The following MED13 variants were observed in gnomAD, a reference collection of about 807,000 sequenced individuals.
The protein encoded by MED13 is mediator of RNA polymerase II transcription subunit 13.
In MED13, 23 loss-of-function variants were observed where a neutral mutation model predicts 225.2. That is an observed-to-expected ratio of 0.10 (90% CI 0.07 to 0.14). The LOEUF is 0.14. Among genes scored for constraint, MED13 ranks in the 10% least tolerant of loss-of-function variants. The pLI is 1.00. For synonymous variants in MED13, 942 were observed against 889.2 expected, an observed-to-expected ratio of 1.06 and a Z score of -1.06; for missense variants, 2,197 against 2,594.5, an observed-to-expected ratio of 0.85 and a Z score of 3.33.
At chr17:62,001,866 G>A (rs914473416) in intron 9 of MED13, among the ~76,000 whole-genome samples, 2 of 152,052 alleles carry the variant, frequency 1.3e-5, no homozygotes, top group Non-Finnish European at 2.9e-5. Flanking sequence ...TATTGAAACT[G>A]ATTTTAAAAA....
At chr17:61,958,811 A>C (rs2079972275) in intron 23 of MED13, among the ~76,000 whole-genome samples, 1 of 152,176 alleles carries the variant, frequency 6.6e-6, no homozygotes, top group South Asian at 2.1e-4. Flanking sequence ...ACTATGTACC[A>C]TCCATTGTGC....
At chr17:61,958,075 A>G (rs184517020) in intron 23 of MED13, among the ~76,000 whole-genome samples, 203 of 151,434 alleles carry the variant, frequency 1.3e-3, no homozygotes, top group African/African-American at 4.6e-3. Flanking sequence ...TGTGTTAGCC[A>G]GGATGGTCTC....
At chr17:61,957,509 C>T (rs908086919) in intron 23 of MED13, among the ~76,000 whole-genome samples, 1 of 151,844 alleles carries the variant, frequency 6.6e-6, no homozygotes, top group Non-Finnish European at 1.5e-5. Context: ...GCCACCACAC[C>T]CGGCTAATTT....
At chr17:62,024,698 T>C (rs1365172068) in intron 8 of MED13, among the ~76,000 whole-genome samples, 1 of 152,136 alleles carries the variant, frequency 6.6e-6, no homozygotes, top group Non-Finnish European at 1.5e-5. Flanking sequence ...CCTCCCAGCC[T>C]CCACTGGACC....
At chr17:62,028,139 T>A (rs920767109) in intron 8 of MED13, among the ~76,000 whole-genome samples, 5 of 152,086 alleles carry the variant, frequency 3.3e-5, no homozygotes, top group African/African-American at 1.2e-4. Context: ...AGCAAAGACA[T>A]GGAATCAACC....
In MED13 at chr17:61,982,176, G is replaced by A. The variant is rs766743483; in HGVS notation, c.3805+22C>T. 5.7e-6 allele frequency: 9 copies of A among 1,570,592 alleles called. No homozygotes were observed. In the African/African-American group the frequency reaches 1.1e-4, roughly 19 times the overall value. On this transcript the variant is annotated intron_variant, in intron 16 of 29. Transcript: ENST00000397786. The stretch of plus-strand genomic sequence containing the variant: ...TAAAGGGAAATAAGCAAACAAAAAA[G>A]TATTTTATTGGCATACTTTACCGTT...
At chr17:62,061,658 C>G (rs1440907485) in intron 2 of MED13, among the ~76,000 whole-genome samples, 1 of 152,128 alleles carries the variant, frequency 6.6e-6, no homozygotes, top group Non-Finnish European at 1.5e-5. Context: ...AACTCAAATA[C>G]TATATCCAAA....
chr17:62,031,395 A>G (rs2080754687), intron 6 of MED13, 49 bp downstream of exon 6: 1 of 1,406,236 alleles, frequency 7.1e-7, no homozygotes. Flanking sequence ...TACTTACTGT[A>G]CACAAAATAA....
At chr17:62,001,770 C>T (rs1351669416) in intron 9 of MED13, among the ~76,000 whole-genome samples, 4 of 152,156 alleles carry the variant, frequency 2.6e-5, no homozygotes, top group African/African-American at 7.2e-5. Context: ...TTCCATTAGA[C>T]TACAATTTCA....
At chr17:62,037,525 G>A (rs1340547081) in intron 3 of MED13, among the ~76,000 whole-genome samples, 2 of 150,798 alleles carry the variant, frequency 1.3e-5, no homozygotes, top group African/African-American at 2.4e-5. Context: ...ATTAGCCGGA[G>A]GTGCAGTGGT....
rs1443366950 is a variant in MED13 at position 61,970,731 on chromosome 17, T to TG, written c.3967+1995_3967+1996insC. Among the ~76,000 whole-genome samples the TG allele has an allele frequency of 3.8e-4, 52 of 135,302 alleles. 1 individual carries two copies. The highest frequency in any genetic ancestry group is 1.2e-3 in the African/African-American group (48 of 39,638). 88.8% of individuals were successfully genotyped at this position (135,302 alleles called of 152,430 possible). Reference sequence around the variant, plus strand: ...CATTACAGATAGTTATTTAGGTTTTTTTTTTTTTTTTCTTGAAATACACGT... The same window carrying TG: ...CATTACAGATAGTTATTTAGGTTTTTGTTTTTTTTTTTCTTGAAATACACGT... On this transcript the variant is annotated intron_variant, in intron 17 of 29. Transcript: ENST00000397786.
At chr17:62,046,381 A>G (rs2080898206) in intron 3 of MED13, among the ~76,000 whole-genome samples, 2 of 152,240 alleles carry the variant, frequency 1.3e-5, no homozygotes, top group Middle Eastern at 3.2e-3. Flanking sequence ...GTTCAAGAGT[A>G]ACTCGAAAGA....
At chr17:62,042,560 CAAAAAAAAA>C (rs377646442) in intron 3 of MED13, among the ~76,000 whole-genome samples, 2 of 60,302 alleles carry the variant, frequency 3.3e-5, no homozygotes, top group African/African-American at 1.2e-4. Flanking sequence ...GGTTTCATCT[CAAAAAAAAA>C]AAAAAAAAAA....
At chr17:61,958,357 G>A (rs956767006) in intron 23 of MED13, among the ~76,000 whole-genome samples, 11 of 151,624 alleles carry the variant, frequency 7.3e-5, no homozygotes, top group African/African-American at 2.4e-4. Context: ...GGTTATTTTT[G>A]AGACAAGAGT....
At chr17:61,988,913 T>G (rs1413914845) in intron 11 of MED13, among the ~76,000 whole-genome samples, 1 of 152,134 alleles carries the variant, frequency 6.6e-6, no homozygotes, top group East Asian at 1.9e-4. Flanking sequence ...TCTCTTGAAC[T>G]TATTCCTCCC....
chr17:62,023,043 A>G (rs957945020), intron 8 of MED13, among the ~76,000 whole-genome samples: 1 of 152,200 alleles, frequency 6.6e-6, no homozygotes, highest in Non-Finnish European at 1.5e-5. Context: ...AGGAGAATAC[A>G]TAAAATTAAG....
chr17:61,945,566 A>G lies in MED13; in HGVS notation c.*902T>C, dbSNP rs781334726. 2 of 152,646 alleles carry G rather than the reference A, an allele frequency of 1.3e-5. No homozygotes were observed. Among genetic ancestry groups the G allele is most frequent in the African/African-American group, 4.8e-5 (2 of 41,462 alleles). 9.5% of individuals were successfully genotyped at this position (152,646 alleles called of 1,614,324 possible). A position where few individuals can be genotyped will look rare whatever the true frequency, so the allele number is the denominator to read the frequency against. On this transcript the variant is annotated 3_prime_UTR_variant, in exon 30 of 30. Coordinates refer to ENST00000397786, the MANE Select transcript of MED13 (RefSeq NM_005121.3). ...AGTCATAGCCCTAAACCATAGTACA[A>G]AATATAACTGAAGAATTCTCATTTT...
intron 8 of MED13, among the ~76,000 whole-genome samples, chr17:62,015,894 C>T (rs1482131546): frequency 2.3e-5 from 2 of 88,088 alleles, no homozygotes; most frequent in African/African-American, 4.0e-5. Flanking sequence ...TATACACACA[C>T]ACACACATAC....
chr17:61,962,263 C>T (rs920987127), intron 21 of MED13, among the ~76,000 whole-genome samples: 10 of 151,806 alleles, frequency 6.6e-5, no homozygotes, highest in African/African-American at 2.2e-4. Flanking sequence ...TCCAGTCTGG[C>T]GACAGAGCGA....
Sources: gnomAD v4.1 joint callset for allele counts (sites outside exome capture counted in the v4.1 genomes callset) on GRCh38, gnomAD v4.1.1 for gene constraint, MANE v1.5 for transcripts, NCBI Gene and HGNC (gene_info 2026-07-23, HGNC 2026-07-21) for gene names.